Variants in SLC26A7 observed in about 807,000 individuals in gnomAD.
The protein encoded by SLC26A7 is solute carrier family 26 member 7.
SLC26A7 carries 59 observed loss-of-function variants against 82.5 expected under a neutral mutation model. That is an observed-to-expected ratio of 0.72 (90% confidence interval 0.58 to 0.89). The LOEUF (loss-of-function observed/expected upper bound fraction) is 0.89. SLC26A7 is among the 40% of genes least tolerant of loss of function. The probability of loss-of-function intolerance (pLI) is 0.00; values close to 1 mark genes in which losing one functional copy is unlikely to be tolerated. For missense variants in SLC26A7, 820 were observed against 793.0 expected, an observed-to-expected ratio of 1.03 and a Z score of -0.41; for synonymous variants, 271 against 274.3, an observed-to-expected ratio of 0.99 and a Z score of 0.12.
At chr8:91,347,081 CA>C (rs1384814979) in intron 9 of SLC26A7, among the ~76,000 whole-genome samples, 3 of 152,186 alleles carry the variant, frequency 2.0e-5, no homozygotes, top group Non-Finnish European at 2.9e-5. Flanking sequence ...AGTGTATCCT[CA>C]GTGGCTAGCC....
intron 2 of SLC26A7, among the ~76,000 whole-genome samples, chr8:91,220,374 T>A (rs1810139905): frequency 6.6e-6 from 1 of 151,904 alleles, no homozygotes; most frequent in Admixed American, 6.6e-5. Flanking sequence ...TTTGTTTTTT[T>A]TCTTTATTTC....
chr8:91,296,238 C>G (rs1188754281), intron 4 of SLC26A7, among the ~76,000 whole-genome samples: 1 of 152,198 alleles, frequency 6.6e-6, no homozygotes, highest in Non-Finnish European at 1.5e-5. Flanking sequence ...AAGATTGCTA[C>G]AGTCTATTTC....
intron 17 of SLC26A7, 21 bp from the exon 18 acceptor site, chr8:91,393,915 A>G: frequency 6.2e-7 from 1 of 1,613,078 alleles, no homozygotes; most frequent in East Asian, 2.2e-5. Flanking sequence ...GTATTCTTAT[A>G]TCACTTGTGC....
chr8:91,348,172 A>G (rs1167039005), intron 9 of SLC26A7: 1 of 222,138 alleles, frequency 4.5e-6, no homozygotes, highest in African/African-American at 2.3e-5. Flanking sequence ...TTCTTTTGAA[A>G]TTTGGCTAAT....
chr8:91,258,063 G>GC (rs1163852794), intron 2 of SLC26A7, among the ~76,000 whole-genome samples: 1 of 151,868 alleles, frequency 6.6e-6, no homozygotes, highest in Non-Finnish European at 1.5e-5. Flanking sequence ...GGGGGAAACT[G>GC]CCCCCATGAT....
At chr8:91,362,739 A>G (rs1047892384) in intron 12 of SLC26A7, among the ~76,000 whole-genome samples, 6 of 152,114 alleles carry the variant, frequency 3.9e-5, no homozygotes, top group Admixed American at 2.6e-4. Context: ...TTGGCCTTAT[A>G]CTGCATCAGA....
At chr8:91,307,720 A>AGC (rs1406292759) in intron 4 of SLC26A7, among the ~76,000 whole-genome samples, 2 of 144,718 alleles carry the variant, frequency 1.4e-5, no homozygotes, top group Non-Finnish European at 3.0e-5. Context: ...TAGTGGGTGC[A>AGC]GCGCACCAGC....
intron 2 of SLC26A7, among the ~76,000 whole-genome samples, chr8:91,252,109 G>A (rs989267384): frequency 3.3e-5 from 5 of 152,036 alleles, no homozygotes; most frequent in Non-Finnish European, 5.9e-5. Flanking sequence ...GCATCATAAC[G>A]CAAACAATAG....
chr8:91,238,836 G>A (rs1810427406), intron 2 of SLC26A7, among the ~76,000 whole-genome samples: 2 of 151,870 alleles, frequency 1.3e-5, no homozygotes, highest in Non-Finnish European at 2.9e-5. Context: ...TAATAAGAAC[G>A]TTTATAGGGT....
chr8:91,331,169 C>T (rs997065765), intron 5 of SLC26A7, among the ~76,000 whole-genome samples: 2 of 152,152 alleles, frequency 1.3e-5, no homozygotes, highest in East Asian at 1.9e-4. Flanking sequence ...CCAGTATAGT[C>T]ACATTCTGAG....
At chr8:91,322,684 G>T (rs1263133011) in intron 5 of SLC26A7, among the ~76,000 whole-genome samples, 1 of 152,134 alleles carries the variant, frequency 6.6e-6, no homozygotes, top group Non-Finnish European at 1.5e-5. Flanking sequence ...TGATAAATTT[G>T]GCAAGGATAC....
rs1287829971 is a variant in SLC26A7 at position 91,369,793 on chromosome 8, A to G, written c.1635A>G (p.Gln545=). ...GTTTGTTTTTATTTTAGTGTGAACA[A>G]AACACATTGCTTAATTCCCTATCCA... ...QPLDDISKCE[Q]NTLLNSLSNG... The change falls in exon 15 of 19, where the codon CAA becomes CAG. Residue 545 remains glutamine, a synonymous_variant. Transcript: ENST00000276609. The G allele has an allele frequency of 6.9e-6, 11 of 1,597,466 alleles. No homozygotes were observed. The highest frequency in any genetic ancestry group is 9.4e-6 in the Non-Finnish European group (11 of 1,172,662).
In SLC26A7 at chr8:91,389,454, G is replaced by T. The variant is rs781557213; in HGVS notation, c.1776+16G>T. 28 of 1,575,668 alleles carry T rather than the reference G, an allele frequency of 1.8e-5. No individual in the cohort carries two copies. The highest frequency in any genetic ancestry group is 5.0e-5 in the Admixed American group (3 of 59,946). ...GCTTGTTGAGGTATTTATGGAACTT[G>T]TGTTTAGAACTGTTTCTTCCCTTTT... On this transcript the variant is annotated intron_variant, in intron 16 of 18. Coordinates refer to ENST00000276609, the MANE Select transcript of SLC26A7 (RefSeq NM_052832.4).
intron 5 of SLC26A7, among the ~76,000 whole-genome samples, chr8:91,331,789 C>T (rs567384949): frequency 1.1e-4 from 16 of 152,048 alleles, no homozygotes; most frequent in Non-Finnish European, 2.2e-4. Context: ...AAAAGAGTTC[C>T]CATTACTTCC....
At chr8:91,383,002 G>T (rs1398421358) in intron 15 of SLC26A7, among the ~76,000 whole-genome samples, 1 of 152,136 alleles carries the variant, frequency 6.6e-6, no homozygotes, top group Non-Finnish European at 1.5e-5. Context: ...TTAAGTCCCT[G>T]TTGAAAGTAG....
Position 91,316,876 on chromosome 8 carries a change from A to T in SLC26A7, c.478-1340A>T, listed in dbSNP as rs1427781087. Among the ~76,000 whole-genome samples, 3 of 150,614 alleles carry T rather than the reference A, an allele frequency of 2.0e-5. No individual in the cohort carries two copies. The East Asian group carries it at 6.0e-4, about 30-fold the overall frequency. On this transcript the variant is annotated intron_variant, in intron 4 of 18. Transcript: ENST00000276609. ...GAAGTATCAGGAGTTAGAAGAGGCC[A>T]GGTATGGTGGCTCTCATCTGTAATC...
intron 2 of SLC26A7, among the ~76,000 whole-genome samples, chr8:91,256,066 A>G (rs145451775): frequency 6.6e-6 from 1 of 152,256 alleles, no homozygotes; most frequent in African/African-American, 2.4e-5. Context: ...GATGGTGTCC[A>G]GGCTGATCAG....
chr8:91,311,178 A>G (rs1400271269), intron 4 of SLC26A7, among the ~76,000 whole-genome samples: 4 of 152,172 alleles, frequency 2.6e-5, no homozygotes, highest in African/African-American at 9.7e-5. Flanking sequence ...TCCAGACTCT[A>G]GTCATTTTCA....
At chr8:91,239,751 A>T (rs1044427636) in intron 2 of SLC26A7, among the ~76,000 whole-genome samples, 2 of 152,182 alleles carry the variant, frequency 1.3e-5, no homozygotes, top group African/African-American at 4.8e-5. Flanking sequence ...ATTGACACAG[A>T]TGGATTTGAG....
Sources: gnomAD v4.1 joint callset for allele counts (sites outside exome capture counted in the v4.1 genomes callset) on GRCh38, gnomAD v4.1.1 for gene constraint, MANE v1.5 for transcripts, NCBI Gene and HGNC (gene_info 2026-07-23, HGNC 2026-07-21) for gene names.